Variants in EFNA5 observed in about 807,000 individuals in gnomAD.
EFNA5 encodes the protein ephrin-A5.
A neutral mutation model predicts 22.9 loss-of-function variants in EFNA5; 5 were observed. The observed-to-expected ratio is 0.22, with a 90% CI of 0.11 to 0.46. The LOEUF (loss-of-function observed/expected upper bound fraction) is 0.46, where lower values mean the gene tolerates loss of function less well. Ranked by LOEUF, EFNA5 falls within the 20% of genes least tolerant of loss-of-function variation. The pLI is 0.99. For missense variants in EFNA5, 237 were observed against 293.3 expected (o/e 0.81, Z 1.40); for synonymous variants, 113 against 112.2 (o/e 1.01, Z -0.04).
At chr5:107,436,684 T>C (rs905879608) in intron 1 of EFNA5, among the ~76,000 whole-genome samples, 1 of 151,972 alleles carries the variant, frequency 6.6e-6, no homozygotes, top group East Asian at 1.9e-4. Context: ...ACCTGCCACA[T>C]ACACACAGAC....
chr5:107,391,399 C>T (rs1747792644), intron 2 of EFNA5, among the ~76,000 whole-genome samples: 1 of 152,062 alleles, frequency 6.6e-6, no homozygotes, highest in African/African-American at 2.4e-5. Flanking sequence ...ACATGTTTAT[C>T]AGAGGCTTCA....
chr5:107,406,210 T>G (rs1748216582), intron 2 of EFNA5, among the ~76,000 whole-genome samples: 1 of 150,100 alleles, frequency 6.7e-6, no homozygotes, highest in African/African-American at 2.4e-5. Context: ...TATTTGTATA[T>G]AATGTATACA....
intron 2 of EFNA5, among the ~76,000 whole-genome samples, chr5:107,421,507 G>GAA: frequency 6.6e-6 from 1 of 152,168 alleles, no homozygotes; most frequent in Non-Finnish European, 1.5e-5. Context: ...TCTGGTTTCT[G>GAA]AAGTTATCTG....
chr5:107,416,460 CTCAGTTTCCTCA>C (rs1198213456), intron 2 of EFNA5, among the ~76,000 whole-genome samples: 1 of 152,126 alleles, frequency 6.6e-6, no homozygotes, highest in Non-Finnish European at 1.5e-5. Context: ...CTCTCTGAGC[CTCAGTTTCCTCA>C]TCTATATGAT....
At chr5:107,460,937 T>A (rs1226188685) in intron 1 of EFNA5, among the ~76,000 whole-genome samples, 12 of 152,148 alleles carry the variant, frequency 7.9e-5, no homozygotes, top group Admixed American at 7.9e-4. Context: ...GGACACGGTA[T>A]TCATTCCACA....
chr5:107,510,272 T>A (rs1294314676), intron 1 of EFNA5, among the ~76,000 whole-genome samples: 1 of 152,194 alleles, frequency 6.6e-6, no homozygotes. Flanking sequence ...ACAAATGCCA[T>A]GGCAATGTCA....
chr5:107,512,107 G>T (rs1428758591), intron 1 of EFNA5, among the ~76,000 whole-genome samples: 1 of 152,184 alleles, frequency 6.6e-6, no homozygotes, highest in Non-Finnish European at 1.5e-5. Context: ...AGTCAAAAGA[G>T]ACTTCAAATG....
At chr5:107,427,052 G>C in intron 2 of EFNA5, 165 bp downstream of exon 2, 1 of 712,792 alleles carries the variant, frequency 1.4e-6, no homozygotes, top group Middle Eastern at 2.4e-4. Context: ...TCTAATTTGT[G>C]CTCTCAATTC....
chr5:107,448,895 T>A (rs999359777), intron 1 of EFNA5, among the ~76,000 whole-genome samples: 4 of 136,566 alleles, frequency 2.9e-5, no homozygotes, highest in Admixed American at 7.1e-5. Flanking sequence ...ACAAAAATAA[T>A]CCCCAACATT....
intron 1 of EFNA5, among the ~76,000 whole-genome samples, chr5:107,528,652 G>C (rs1010072384): frequency 1.3e-5 from 2 of 152,100 alleles, no homozygotes; most frequent in African/African-American, 4.8e-5. Flanking sequence ...TTCACAGCTA[G>C]AATGGTCTTC....
intron 1 of EFNA5, among the ~76,000 whole-genome samples, chr5:107,652,817 A>C (rs1750758404): frequency 6.6e-6 from 1 of 152,126 alleles, no homozygotes; most frequent in South Asian, 2.1e-4. Flanking sequence ...GTAAAAATAC[A>C]AGCAGCTTTT....
chr5:107,400,893 C>T (rs1472229349), intron 2 of EFNA5, among the ~76,000 whole-genome samples: 7 of 152,206 alleles, frequency 4.6e-5, no homozygotes, highest in African/African-American at 1.7e-4. Context: ...TTTATTACTG[C>T]TGCAAGCTTA....
At chr5:107,497,158 T>C (rs1747009269) in intron 1 of EFNA5, among the ~76,000 whole-genome samples, 1 of 152,244 alleles carries the variant, frequency 6.6e-6, no homozygotes, top group Admixed American at 6.5e-5. Flanking sequence ...TTTGCTTTGC[T>C]ATCTGTAGTA....
Position 107,476,046 on chromosome 5 carries a change from CTA to C in EFNA5, c.126-48539_126-48538del. 6.4e-5 allele frequency among the ~76,000 whole-genome samples: 2 copies of C among 31,284 alleles called. 1 individual carries two copies. The highest frequency in any genetic ancestry group is 6.8e-4 in the African/African-American group (2 of 2,938). 20.5% of individuals were successfully genotyped at this position (31,284 alleles called of 152,430 possible). A position where few individuals can be genotyped will look rare whatever the true frequency, so the allele number is the denominator to read the frequency against. Reference sequence around the variant, plus strand: ...CCAAGGTGGCTTGAGAGTTTTTAAACTATATATATATTTTTTTTTTTTGAGAC... The same window carrying C: ...CCAAGGTGGCTTGAGAGTTTTTAAACTATATATATTTTTTTTTTTTGAGAC... On this transcript the variant is annotated intron_variant, in intron 1 of 4. Coordinates refer to ENST00000333274, the MANE Select transcript of EFNA5 (RefSeq NM_001962.3).
At chr5:107,557,598 A>G (rs937498396) in intron 1 of EFNA5, among the ~76,000 whole-genome samples, 5 of 152,344 alleles carry the variant, frequency 3.3e-5, no homozygotes, top group African/African-American at 9.6e-5. Context: ...TTAGTGTGAC[A>G]TTCTTCTACA....
intron 2 of EFNA5, 48 bp from the exon 3 acceptor site, chr5:107,387,819 A>G (rs373016513): frequency 1.6e-6 from 2 of 1,266,314 alleles, no homozygotes; most frequent in African/African-American, 1.5e-5. Context: ...GAGAACAACA[A>G]CATATTACTC....
intron 1 of EFNA5, among the ~76,000 whole-genome samples, chr5:107,535,006 A>G (rs996425928): frequency 5.9e-5 from 9 of 152,182 alleles, no homozygotes; most frequent in Non-Finnish European, 5.9e-5. Flanking sequence ...TGGTGTGAAA[A>G]ATATGATGTA....
At chr5:107,580,490 CCAGG>C (rs1390086907) in intron 1 of EFNA5, among the ~76,000 whole-genome samples, 2 of 151,756 alleles carry the variant, frequency 1.3e-5, no homozygotes, top group Non-Finnish European at 2.9e-5. Flanking sequence ...TTTGGGAGGC[CCAGG>C]CAGGCAGATC....
intron 1 of EFNA5, among the ~76,000 whole-genome samples, chr5:107,652,194 C>T (rs1173050602): frequency 6.6e-6 from 1 of 152,164 alleles, no homozygotes; most frequent in Admixed American, 6.5e-5. Flanking sequence ...CACTAGATCC[C>T]CTCCACCCTG....
Sources: allele counts gnomAD v4.1 joint callset (sites outside exome capture counted in the v4.1 genomes callset), GRCh38; gene constraint gnomAD v4.1.1; transcripts MANE v1.5; gene names NCBI Gene and HGNC (gene_info 2026-07-23, HGNC 2026-07-21).